GTF2I: variants seen among roughly 807,000 people sequenced by gnomAD.
GTF2I encodes general transcription factor II-I.
A neutral mutation model predicts 67.6 loss-of-function variants in GTF2I; 12 were observed. The observed-to-expected ratio is 0.18, with a 90% CI of 0.11 to 0.29. The LOEUF (loss-of-function observed/expected upper bound fraction) is 0.29, where lower values mean the gene tolerates loss of function less well. GTF2I is among the 10% of genes least tolerant of loss of function. The probability of loss-of-function intolerance (pLI) is 1.00; values close to 1 mark genes in which losing one functional copy is unlikely to be tolerated. For missense variants in GTF2I, 271 were observed against 580.1 expected (o/e 0.47, Z 5.47); for synonymous variants, 149 against 197.0 (o/e 0.76, Z 2.04).
chr7:74,714,775 C>A, intron 9 of GTF2I, 82 bp from the exon 10 acceptor site: 1 of 781,002 alleles, frequency 1.3e-6, no homozygotes, highest in Non-Finnish European at 2.1e-6. Flanking sequence ...CCATGTATCT[C>A]ACCCAAATTT....
intron 29 of GTF2I, among the ~76,000 whole-genome samples, 194 bp downstream of exon 29, chr7:74,753,371 T>G (rs1795947261): frequency 6.6e-6 from 1 of 152,198 alleles, no homozygotes; most frequent in African/African-American, 2.4e-5. Context: ...GTATGAAAGT[T>G]AATGAATTTA....
chr7:74,718,951 C>G lies in GTF2I; in HGVS notation c.943+10C>G, dbSNP rs1364540107. Reference sequence around the variant, plus strand: ...GAGGTGACTATTGAAGGTTAGTTATCTAAAAGCCTTGATTCCAAAGTTTAC... The same window carrying G: ...GAGGTGACTATTGAAGGTTAGTTATGTAAAAGCCTTGATTCCAAAGTTTAC... On this transcript the variant is annotated intron_variant, in intron 12 of 34. Transcript: ENST00000573035. 6.8e-7 allele frequency: 1 copy of G among 1,466,274 alleles called. No homozygotes were observed. The highest frequency in any genetic ancestry group is 9.4e-7 in the Non-Finnish European group (1 of 1,065,176). The allele number at this position is 1,466,274 out of a possible 1,614,324, so 90.8% of individuals were successfully genotyped here.
chr7:74,680,093 A>T lies in GTF2I; in HGVS notation c.-5-9031A>T, dbSNP rs1281861895. On this transcript the variant is annotated intron_variant, in intron 1 of 34. Transcript: ENST00000573035. ...AGAGTCCATCTCAAAAAAAAAAAAA[A>T]AAAAAAATATATATATATATATATG... Among the ~76,000 whole-genome samples, 18 of 99,422 alleles carry T rather than the reference A, an allele frequency of 1.8e-4. No individual in the cohort carries two copies. The Middle Eastern group carries it at 0.014, about 75-fold the overall frequency. The allele number at this position is 99,422 out of a possible 152,430, so 65.2% of individuals were successfully genotyped here.
intron 1 of GTF2I, among the ~76,000 whole-genome samples, chr7:74,662,204 C>CTTTTT (rs59914241): frequency 5.3e-4 from 44 of 82,596 alleles, no homozygotes; most frequent in Non-Finnish European, 6.8e-4. Flanking sequence ...TTTTTTCTTT[C>CTTTTT]TTTTTTTTTT....
At chr7:74,663,083 C>T (rs1804663561) in intron 1 of GTF2I, among the ~76,000 whole-genome samples, 1 of 152,138 alleles carries the variant, frequency 6.6e-6, no homozygotes, top group Admixed American at 6.6e-5. Context: ...TCTGTTATTA[C>T]TGGTTACCAG....
At chr7:74,702,640 G>A (rs1789966887) in intron 6 of GTF2I, among the ~76,000 whole-genome samples, 1 of 152,032 alleles carries the variant, frequency 6.6e-6, no homozygotes, top group Non-Finnish European at 1.5e-5. Flanking sequence ...CTTGATTTTA[G>A]CCATTGTAAT....
At chr7:74,722,327 T>TA (rs1562975281) in intron 12 of GTF2I, among the ~76,000 whole-genome samples, 1 of 152,206 alleles carries the variant, frequency 6.6e-6, no homozygotes, top group Non-Finnish European at 1.5e-5. Context: ...CTTGGACTAA[T>TA]AGGACCGCAT....
chr7:74,663,734 T>A (rs1195256334), intron 1 of GTF2I, among the ~76,000 whole-genome samples: 2 of 152,222 alleles, frequency 1.3e-5, no homozygotes, highest in Non-Finnish European at 2.9e-5. Flanking sequence ...TGAAGACTCA[T>A]ACTCGGTTAA....
At chr7:74,666,390 C>T (rs1015157288) in intron 1 of GTF2I, among the ~76,000 whole-genome samples, 12 of 152,084 alleles carry the variant, frequency 7.9e-5, no homozygotes, top group African/African-American at 2.9e-4. Context: ...ATTACATGAT[C>T]TCATCTGTGA....
intron 1 of GTF2I, among the ~76,000 whole-genome samples, chr7:74,676,228 G>T (rs1271817857): frequency 6.6e-6 from 1 of 152,072 alleles, no homozygotes; most frequent in Non-Finnish European, 1.5e-5. Context: ...AACTTATCAA[G>T]ATATGAAGTT....
intron 1 of GTF2I, among the ~76,000 whole-genome samples, chr7:74,677,087 C>A (rs1194868189): frequency 1.1e-4 from 16 of 151,842 alleles, no homozygotes; most frequent in Admixed American, 2.0e-4. Context: ...AAACAAAAAA[C>A]CGAAAAAACC....
rs587662490 is a variant in GTF2I at position 74,687,514 on chromosome 7, C to T, written c.-5-1610C>T. The T allele has an allele frequency of 2.0e-4, 196 of 980,564 alleles. 1 individual carries two copies. The African/African-American group carries it at 3.1e-3, about 16-fold the overall frequency. The allele number at this position is 980,564 out of a possible 1,614,324, so 60.7% of individuals were successfully genotyped here. The stretch of plus-strand genomic sequence containing the variant: ...CTGGGATTACAGGCGTGAGCCACCA[C>T]GCCCAGTGGATTATGGTTTTTATTA... On this transcript the variant is annotated intron_variant, in intron 1 of 34. Transcript: ENST00000573035.
chr7:74,689,040 CGG>C, intron 1 of GTF2I, 82 bp from the exon 2 acceptor site: 1 of 751,806 alleles, frequency 1.3e-6, no homozygotes, highest in Non-Finnish European at 2.4e-6. Flanking sequence ...ATTAGGCAGC[CGG>C]TGAGGGGCCC....
intron 1 of GTF2I, among the ~76,000 whole-genome samples, chr7:74,672,689 C>T (rs1311557909): frequency 6.6e-6 from 1 of 152,104 alleles, no homozygotes; most frequent in Non-Finnish European, 1.5e-5. Flanking sequence ...TACAGAAGTC[C>T]TGCCTATTCC....
intron 1 of GTF2I, among the ~76,000 whole-genome samples, chr7:74,664,682 C>T (rs113102123): frequency 1.3e-5 from 2 of 152,200 alleles, no homozygotes; most frequent in East Asian, 3.9e-4. Flanking sequence ...ATCCACCTGC[C>T]TCAGCCTCCC....
chr7:74,727,732 T>C (rs587690473), intron 12 of GTF2I: 1 of 152,322 alleles, frequency 6.6e-6, no homozygotes, highest in South Asian at 2.1e-4. Flanking sequence ...ACCTGACACT[T>C]TGAGGGACTA....
chr7:74,727,711 A>T (rs1321531277), intron 12 of GTF2I: 1 of 152,230 alleles, frequency 6.6e-6, no homozygotes, highest in African/African-American at 2.4e-5. Context: ...CAGCAATATT[A>T]ATAGCATGTT....
At chr7:74,667,198 C>T (rs1230471687) in intron 1 of GTF2I, among the ~76,000 whole-genome samples, 1 of 152,018 alleles carries the variant, frequency 6.6e-6, no homozygotes, top group African/African-American at 2.4e-5. Flanking sequence ...CAGAAGTTAG[C>T]TGGGAGTGGT....
At chr7:74,658,388 G>T (rs1400794254) in intron 1 of GTF2I, among the ~76,000 whole-genome samples, 2 of 145,904 alleles carry the variant, frequency 1.4e-5, no homozygotes, top group East Asian at 4.1e-4. Flanking sequence ...TGGGGGAGGG[G>T]CGCGCGCGCC....
Sources: allele counts gnomAD v4.1 joint callset (sites outside exome capture counted in the v4.1 genomes callset), GRCh38; gene constraint gnomAD v4.1.1; transcripts MANE v1.5; gene names NCBI Gene and HGNC (gene_info 2026-07-23, HGNC 2026-07-21).